The following ACADM variants were observed in gnomAD, a reference collection of about 807,000 sequenced individuals.
ACADM encodes medium-chain specific acyl-CoA dehydrogenase, mitochondrial.
ACADM carries 49 observed loss-of-function variants against 58.9 expected under a neutral mutation model. That is an observed-to-expected ratio of 0.83 (90% CI 0.66 to 1.06). The LOEUF (loss-of-function observed/expected upper bound fraction) is 1.06, where lower values mean the gene tolerates loss of function less well. ACADM is among the 50% of genes least tolerant of loss of function. The pLI is 0.00. For synonymous variants in ACADM, 160 were observed against 157.7 expected (o/e 1.01, Z -0.11); for missense variants, 496 against 507.0 (o/e 0.98, Z 0.21).
Position 75,724,778 on chromosome 1 carries a change from G to C in ACADM, c.-10G>C, listed in dbSNP as rs753756738. The stretch of plus-strand genomic sequence containing the variant: ...GTATTATTGTCCGAGTGGCCGGAAC[G>C]GGAGCCAACATGGCAGCGGGGTTCG... On this transcript the variant is annotated 5_prime_UTR_variant, in exon 1 of 12. Transcript: ENST00000370841. The C allele has an allele frequency of 6.6e-7, 1 of 1,525,422 alleles. No homozygotes were observed. Among genetic ancestry groups the C allele is most frequent in the Non-Finnish European group, 8.8e-7 (1 of 1,135,236 alleles). The allele number at this position is 1,525,422 out of a possible 1,614,324, so 94.5% of individuals were successfully genotyped here. A position where few individuals can be genotyped will look rare whatever the true frequency, so the allele number is the denominator to read the frequency against.
At position 75,729,803 on chromosome 1, in the gene ACADM, A is replaced by T. The variant is rs531184378; in HGVS notation, c.118+1315A>T. 7.4e-5 allele frequency among the ~76,000 whole-genome samples: 11 copies of T among 149,522 alleles called. No homozygotes were observed. In the South Asian group the frequency reaches 1.9e-3, roughly 26 times the overall value. ...ACCACTGTGCCCAACCTAAATGAAA[A>T]TTTTTTTTCTTTTCTCTTTCTGTAG... is the stretch of plus-strand genomic sequence containing the variant. On this transcript the variant is annotated intron_variant, in intron 2 of 11. Coordinates refer to ENST00000370841, the MANE Select transcript of ACADM (RefSeq NM_000016.6).
intron 5 of ACADM, among the ~76,000 whole-genome samples, chr1:75,734,046 C>T (rs1570864265): frequency 2.6e-5 from 4 of 152,074 alleles, no homozygotes; most frequent in African/African-American, 7.2e-5. Flanking sequence ...AGTGTAGTAG[C>T]GCGATCTTGG....
intron 10 of ACADM, among the ~76,000 whole-genome samples, chr1:75,753,814 T>TTTTTTTTTTTTTTTTA (rs1648340961): frequency 8.5e-6 from 1 of 117,156 alleles, no homozygotes; most frequent in Non-Finnish European, 1.8e-5. Context: ...TTTTTTTTTT[T>TTTTTTTTTTTTTTTTA]GAGACAGGGT....
At chr1:75,753,148 T>C (rs1336478838) in intron 10 of ACADM, among the ~76,000 whole-genome samples, 1 of 152,174 alleles carries the variant, frequency 6.6e-6, no homozygotes, top group Non-Finnish European at 1.5e-5. Flanking sequence ...ATCAGCTTCT[T>C]TGTGGCCCTC....
chr1:75,743,884 A>C, intron 7 of ACADM: 1 of 1,430,608 alleles, frequency 7.0e-7, no homozygotes, highest in African/African-American at 1.4e-5. Context: ...CACTGCGTTT[A>C]CAACAGGCTG....
At chr1:75,747,334 TTCTA>T (rs1647956908) in intron 8 of ACADM, among the ~76,000 whole-genome samples, 1 of 151,338 alleles carries the variant, frequency 6.6e-6, no homozygotes, top group South Asian at 2.1e-4. Flanking sequence ...ATATACAGTA[TTCTA>T]TCTATTAGGG....
chr1:75,748,513 G>A (rs1468004973), intron 8 of ACADM, among the ~76,000 whole-genome samples: 1 of 152,174 alleles, frequency 6.6e-6, no homozygotes, highest in Non-Finnish European at 1.5e-5. Context: ...TGGATATATG[G>A]TACATCCAAG....
rs2100453287 is a variant in ACADM at position 75,761,243 on chromosome 1, T to TTGCA, written c.1068_1071dup (p.Lys358CysfsTer15). ...CGTCGAAATACCTATTATGCTTCTATTGCAAAGGCATTTGCTGGAGATATT... is the reference window on the plus strand; with the variant it reads ...CGTCGAAATACCTATTATGCTTCTATTGCATGCAAAGGCATTTGCTGGAGATATT... On this transcript the variant is annotated frameshift_variant, in exon 11 of 12. Transcript: ENST00000370841. LOFTEE classifies it high-confidence loss of function. The TTGCA allele has an allele frequency of 6.2e-7, 1 of 1,614,202 alleles. No homozygotes were observed.
At chr1:75,735,001 A>G in intron 6 of ACADM, 130 bp downstream of exon 6, 3 of 750,720 alleles carry the variant, frequency 4.0e-6, no homozygotes, top group Middle Eastern at 2.4e-4. Flanking sequence ...ATATTATTAC[A>G]ATGATGTGTC....
At chr1:75,749,757 G>T in intron 9 of ACADM, among the ~76,000 whole-genome samples, 198 bp downstream of exon 9, 1 of 142,878 alleles carries the variant, frequency 7.0e-6, no homozygotes, top group African/African-American at 2.6e-5. Context: ...TCTGTCACCA[G>T]GATGGAGTGC....
rs753676865 is a variant in ACADM at position 75,744,569 on chromosome 1, A to G, written c.600-1237A>G. 3.4e-4 allele frequency: 490 copies of G among 1,430,076 alleles called. 2 individuals are homozygous for G. The highest frequency in any genetic ancestry group is 7.6e-5 in the Non-Finnish European group (77 of 1,014,084). 88.6% of individuals were successfully genotyped at this position (1,430,076 alleles called of 1,614,324 possible). ...AACGCTGGGGTTTTGACTGTAACCA[A>G]GTCATACTTGCATACAGTTGTAGTT... On this transcript the variant is annotated intron_variant, in intron 7 of 11. Coordinates refer to ENST00000370841, the MANE Select transcript of ACADM (RefSeq NM_000016.6).
rs751484559 is a variant in ACADM at position 75,756,483 on chromosome 1, AC to A, written c.946-4637del. ...ACAATTGCTTCAAAGAGAATAAAAT[AC>A]CTAGGAATACAACTTACAAGGGATG... On this transcript the variant is annotated intron_variant, in intron 10 of 11. Transcript: ENST00000370841. 4.6e-5 allele frequency among the ~76,000 whole-genome samples: 7 copies of A among 152,316 alleles called. No homozygotes were observed. The South Asian group carries it at 1.2e-3, about 27-fold the overall frequency.
chr1:75,759,027 G>A (rs554535486), intron 10 of ACADM, among the ~76,000 whole-genome samples: 70 of 152,256 alleles, frequency 4.6e-4, no homozygotes, highest in African/African-American at 1.4e-3. Flanking sequence ...ACGGAGGTCC[G>A]CGGCTTCATT....
chr1:75,759,817 A>G (rs1030532190), intron 10 of ACADM, among the ~76,000 whole-genome samples: 3 of 151,828 alleles, frequency 2.0e-5, no homozygotes, highest in Admixed American at 1.3e-4. Flanking sequence ...ATGTGCCACC[A>G]TGCCTGGCTA....
At chr1:75,737,282 AT>A (rs1557448333) in intron 6 of ACADM, among the ~76,000 whole-genome samples, 3 of 13,580 alleles carry the variant, frequency 2.2e-4, no homozygotes, top group African/African-American at 1.5e-3. Flanking sequence ...ACACACAAAT[AT>A]ATATATATAT....
intron 10 of ACADM, among the ~76,000 whole-genome samples, chr1:75,760,264 C>CAAAAAA (rs764807575): frequency 1.2e-4 from 6 of 51,190 alleles, no homozygotes; most frequent in East Asian, 9.8e-4. Flanking sequence ...ACTAAAAATA[C>CAAAAAA]AAAAAAAAAA....
At chr1:75,729,216 C>T in intron 2 of ACADM, among the ~76,000 whole-genome samples, 2 of 103,686 alleles carry the variant, frequency 1.9e-5, no homozygotes, top group Admixed American at 1.1e-4. Context: ...AAGATTTTTC[C>T]CTTTTCTTTA....
chr1:75,732,093 A>G (rs1434731160), intron 2 of ACADM, among the ~76,000 whole-genome samples: 1 of 152,120 alleles, frequency 6.6e-6, no homozygotes, highest in Non-Finnish European at 1.5e-5. Flanking sequence ...TCGAGGCTAC[A>G]GTGAGTCGTA....
At chr1:75,754,946 C>T (rs147103805) in intron 10 of ACADM, 3 of 152,594 alleles carry the variant, frequency 2.0e-5, no homozygotes, top group Non-Finnish European at 4.4e-5. Context: ...TAGCAAACAA[C>T]ACACCAGGAG....
Sources: gnomAD v4.1 joint callset for allele counts (sites outside exome capture counted in the v4.1 genomes callset) on GRCh38, gnomAD v4.1.1 for gene constraint, MANE v1.5 for transcripts, NCBI Gene and HGNC (gene_info 2026-07-23, HGNC 2026-07-21) for gene names.